APBB1IP: variants seen among roughly 807,000 people sequenced by gnomAD.
The protein encoded by APBB1IP is amyloid beta A4 precursor protein-binding family B member 1-interacting protein.
In APBB1IP, 27 loss-of-function variants were observed where a neutral mutation model predicts 64.9. The ratio of observed to expected loss-of-function variants is 0.42; its 90% confidence interval spans 0.31 to 0.57. The LOEUF (loss-of-function observed/expected upper bound fraction) is 0.57, where lower values mean the gene tolerates loss of function less well. Ranked by LOEUF, APBB1IP falls within the 20% of genes least tolerant of loss-of-function variation. The pLI is 0.20. For missense variants in APBB1IP, 812 were observed against 845.5 expected, an observed-to-expected ratio of 0.96 and a Z score of 0.49; for synonymous variants, 392 against 331.0, an observed-to-expected ratio of 1.18 and a Z score of -2.00.
In APBB1IP at chr10:26,567,700, A is replaced by C. The variant is rs1837075892; in HGVS notation, c.*212A>C. On this transcript the variant is annotated 3_prime_UTR_variant, in exon 15 of 15. Transcript: ENST00000376236. ...TATCGTTCCCATGTATTTTAACCTA[A>C]ATGGAATGTATCTTCCCTTCCAAGC... is the stretch of plus-strand genomic sequence containing the variant. The C allele has an allele frequency of 8.4e-7, 1 of 1,188,198 alleles. No individual in the cohort carries two copies. Among genetic ancestry groups the C allele is most frequent in the African/African-American group, 1.6e-5 (1 of 61,212 alleles). The allele number at this position is 1,188,198 out of a possible 1,614,324, so 73.6% of individuals were successfully genotyped here. A position where few individuals can be genotyped will look rare whatever the true frequency, so the allele number is the denominator to read the frequency against.
At chr10:26,482,064 T>TATGG in intron 2 of APBB1IP, among the ~76,000 whole-genome samples, 1 of 152,306 alleles carries the variant, frequency 6.6e-6, no homozygotes, top group South Asian at 2.1e-4. Flanking sequence ...CCTATGTATA[T>TATGG]ACACATGTCC....
rs1032421612 is a variant in APBB1IP at position 26,462,734 on chromosome 10, A to G, written c.-1+23881A>G. ...GTGGCAACTCATTCTTGTTGCTGTC[A>G]TCTTAAATCTCTCTGAAGACAGCAA... On this transcript the variant is annotated intron_variant, in intron 2 of 14. Coordinates refer to ENST00000376236, the MANE Select transcript of APBB1IP (RefSeq NM_019043.4). Among the ~76,000 whole-genome samples the G allele has an allele frequency of 2.0e-5, 3 of 152,096 alleles. 1 individual carries two copies. The highest frequency in any genetic ancestry group is 6.6e-5 in the Admixed American group (1 of 15,260).
intron 2 of APBB1IP, among the ~76,000 whole-genome samples, chr10:26,478,063 G>A (rs905312891): frequency 4.6e-5 from 7 of 152,160 alleles, no homozygotes; most frequent in Admixed American, 2.6e-4. Flanking sequence ...TGCCCTCACC[G>A]GGCTTACACC....
At position 26,501,008 on chromosome 10, in the gene APBB1IP, C is replaced by G; in HGVS notation, c.350C>G (p.Ala117Gly). Residue 117 changes from alanine (A) to glycine (G), a missense_variant, in exon 5 of 15, where the codon GCT becomes GGT. By Grantham distance (60) the Ala-to-Gly change is moderately conservative. Transcript: ENST00000376236. ...AASLGYGTNV[A>G]ATGISQYEDD... ...TCTCTTGGTTATGGAACAAATGTTG[C>G]TGCCACTGGTATCAGCCAATATGAG... 6.2e-7 allele frequency: 1 copy of G among 1,614,194 alleles called. No individual in the cohort carries two copies. The highest frequency in any genetic ancestry group is 8.5e-7 in the Non-Finnish European group (1 of 1,180,034).
At chr10:26,535,173 T>C (rs1836604927) in intron 9 of APBB1IP, among the ~76,000 whole-genome samples, 1 of 152,158 alleles carries the variant, frequency 6.6e-6, no homozygotes, top group Non-Finnish European at 1.5e-5. Flanking sequence ...TATGCAAGTT[T>C]TGAGATTTAA....
In APBB1IP at chr10:26,505,831, C is replaced by A. The variant is rs1485060203; in HGVS notation, c.531+2557C>A. On this transcript the variant is annotated intron_variant, in intron 6 of 14. Coordinates refer to ENST00000376236, the MANE Select transcript of APBB1IP (RefSeq NM_019043.4). ...CCGAGGGCCAGACTCTTCTCTTGGG[C>A]TGCAGTCTCTCTTTCTGTCCTCCTC... 4.6e-5 allele frequency among the ~76,000 whole-genome samples: 7 copies of A among 152,122 alleles called. No individual in the cohort carries two copies. The South Asian group carries it at 6.2e-4, about 13-fold the overall frequency.
intron 2 of APBB1IP, among the ~76,000 whole-genome samples, chr10:26,442,027 G>A (rs7069919): frequency 0.39 from 58,972 of 151,930 alleles, 11,630 homozygotes; most frequent in South Asian, 0.49. Context: ...GCCATCTGAT[G>A]GTGGCACCCA....
chr10:26,462,302 C>T (rs1835602499), intron 2 of APBB1IP, among the ~76,000 whole-genome samples: 3 of 152,128 alleles, frequency 2.0e-5, no homozygotes, highest in Admixed American at 6.5e-5. Context: ...GCAATAATGG[C>T]GGGACCCCTT....
chr10:26,485,311 A>T (rs1463724207), intron 2 of APBB1IP, among the ~76,000 whole-genome samples: 1 of 152,210 alleles, frequency 6.6e-6, no homozygotes, highest in Non-Finnish European at 1.5e-5. Context: ...TGGCCCTGGA[A>T]TGTGACATTT....
intron 2 of APBB1IP, among the ~76,000 whole-genome samples, chr10:26,483,597 T>C (rs547570087): frequency 8.7e-4 from 133 of 152,322 alleles, no homozygotes; most frequent in African/African-American, 3.0e-3. Context: ...GACAGACAGG[T>C]AGCAACTTCT....
intron 2 of APBB1IP, among the ~76,000 whole-genome samples, chr10:26,454,846 A>C (rs1429852907): frequency 2.6e-5 from 4 of 152,208 alleles, no homozygotes; most frequent in African/African-American, 9.7e-5. Flanking sequence ...ACCAAAATTA[A>C]AAATTAAAAA....
intron 2 of APBB1IP, among the ~76,000 whole-genome samples, chr10:26,447,433 A>C (rs1835414073): frequency 6.6e-6 from 1 of 152,188 alleles, no homozygotes; most frequent in East Asian, 1.9e-4. Context: ...AAATGGAAGA[A>C]AGATACGCCA....
chr10:26,477,753 T>C (rs1835791914), intron 2 of APBB1IP, among the ~76,000 whole-genome samples: 1 of 152,086 alleles, frequency 6.6e-6, no homozygotes, highest in Admixed American at 6.6e-5. Flanking sequence ...TTTTTTTGAG[T>C]CAAGGTCTCA....
intron 6 of APBB1IP, among the ~76,000 whole-genome samples, chr10:26,504,994 G>A (rs928991124): frequency 5.3e-5 from 8 of 152,044 alleles, no homozygotes; most frequent in African/African-American, 9.7e-5. Context: ...AGGCTCAAGC[G>A]CGCCACCCAT....
chr10:26,456,020 C>A (rs1407939444), intron 2 of APBB1IP, among the ~76,000 whole-genome samples: 1 of 152,062 alleles, frequency 6.6e-6, no homozygotes, highest in African/African-American at 2.4e-5. Context: ...ATGTATCATC[C>A]CATTGATAGG....
At chr10:26,531,462 TC>T (rs1176317591) in intron 8 of APBB1IP, among the ~76,000 whole-genome samples, 1 of 152,114 alleles carries the variant, frequency 6.6e-6, no homozygotes, top group Non-Finnish European at 1.5e-5. Context: ...GGTCAGGAGA[TC>T]GAGACCATCC....
chr10:26,566,812 C>A (rs1334439575), intron 14 of APBB1IP, 149 bp from the exon 15 acceptor site: 3 of 838,110 alleles, frequency 3.6e-6, no homozygotes, highest in Non-Finnish European at 5.2e-6. Context: ...TGCTTGAGCT[C>A]GGGAGGTCGA....
At chr10:26,450,801 T>A (rs1006885832) in intron 2 of APBB1IP, among the ~76,000 whole-genome samples, 1 of 151,876 alleles carries the variant, frequency 6.6e-6, no homozygotes, top group African/African-American at 2.4e-5. Flanking sequence ...GTTCAAGCGA[T>A]TCTCATGCCT....
chr10:26,507,295 C>T (rs1836194117), intron 6 of APBB1IP, among the ~76,000 whole-genome samples: 1 of 152,124 alleles, frequency 6.6e-6, no homozygotes, highest in Non-Finnish European at 1.5e-5. Context: ...GAGTTAAGAC[C>T]AGCCTGGGCA....
Sources: gnomAD v4.1 joint callset for allele counts (sites outside exome capture counted in the v4.1 genomes callset) on GRCh38, gnomAD v4.1.1 for gene constraint, MANE v1.5 for transcripts, NCBI Gene and HGNC (gene_info 2026-07-23, HGNC 2026-07-21) for gene names.